The following MAST4 variants were observed in gnomAD, a reference collection of about 807,000 sequenced individuals.
MAST4 encodes microtubule associated serine/threonine kinase family member 4.
MAST4 carries 89 observed loss-of-function variants against 162.7 expected under a neutral mutation model. The ratio of observed to expected loss-of-function variants is 0.55; its 90% confidence interval spans 0.46 to 0.65. MAST4 has a LOEUF of 0.65. Among genes scored for constraint, MAST4 ranks in the 30% least tolerant of loss-of-function variants. The pLI is 0.00. For synonymous variants in MAST4, 1,479 were observed against 1,361.1 expected, an observed-to-expected ratio of 1.09 and a Z score of -1.91; for missense variants, 3,153 against 3,374.0, an observed-to-expected ratio of 0.93 and a Z score of 1.62.
intron 4 of MAST4, among the ~76,000 whole-genome samples, chr5:66,934,586 T>C (rs1404204950): frequency 6.6e-6 from 1 of 152,184 alleles, no homozygotes; most frequent in Non-Finnish European, 1.5e-5. Flanking sequence ...GAATTTTTTT[T>C]TTTCAGATTG....
At position 67,012,581 on chromosome 5, in the gene MAST4, T is replaced by C. The variant is rs577811777; in HGVS notation, c.675-41823T>C. On this transcript the variant is annotated intron_variant, in intron 4 of 28. Coordinates refer to ENST00000403625, the MANE Select transcript of MAST4 (RefSeq NM_001164664.2). ...CTGGGGCTACCTAGATGAAAGTAGA[T>C]ACAAAGTGTGCATAAAATTGTCTAC... Among the ~76,000 whole-genome samples the C allele has an allele frequency of 5.3e-5, 8 of 152,312 alleles. No individual in the cohort carries two copies. The South Asian group carries it at 1.7e-3, about 32-fold the overall frequency.
At chr5:66,965,763 T>C (rs1746655656) in intron 4 of MAST4, among the ~76,000 whole-genome samples, 1 of 152,162 alleles carries the variant, frequency 6.6e-6, no homozygotes, top group East Asian at 1.9e-4. Flanking sequence ...TTTGGGGGCA[T>C]GCATGCTATG....
chr5:66,978,294 G>A (rs1313119536), intron 4 of MAST4, among the ~76,000 whole-genome samples: 1 of 152,134 alleles, frequency 6.6e-6, no homozygotes, highest in Non-Finnish European at 1.5e-5. Flanking sequence ...TGAGAGTAGG[G>A]TTTACTAAAG....
At chr5:66,878,952 C>T (rs26919) in intron 3 of MAST4, among the ~76,000 whole-genome samples, 129,916 of 152,258 alleles carry the variant, frequency 0.85, 55,887 homozygotes, top group Non-Finnish European at 0.92. Flanking sequence ...ATGGCTCATA[C>T]GCATAGGAAA....
chr5:67,083,571 A>G (rs1464626566), intron 5 of MAST4, among the ~76,000 whole-genome samples: 2 of 152,176 alleles, frequency 1.3e-5, no homozygotes, highest in African/African-American at 2.4e-5. Flanking sequence ...AAAAGGGGGA[A>G]TTCTTTGTAT....
intron 3 of MAST4, among the ~76,000 whole-genome samples, chr5:66,868,436 CATATATATGTGTATATACGTATATGT>C (rs552503631): frequency 0.01 from 1,520 of 148,082 alleles, 21 homozygotes; most frequent in Middle Eastern, 0.033. Context: ...TATGTATATA[CATATATATGTGTATATACGTATATGT>C]ATATATATAC....
chr5:66,865,443 A>G (rs1422477980), intron 3 of MAST4, among the ~76,000 whole-genome samples: 1 of 152,238 alleles, frequency 6.6e-6, no homozygotes, highest in Non-Finnish European at 1.5e-5. Flanking sequence ...AATATTTTTA[A>G]ATATGTATAA....
At position 67,092,339 on chromosome 5, in the gene MAST4, G is replaced by A. The variant is rs563923344; in HGVS notation, c.833+2108G>A. The stretch of plus-strand genomic sequence containing the variant: ...CATCCCTTGTAACAAAATAGTCCAA[G>A]TATAGACTAGAAAGTATAATGACAC... On this transcript the variant is annotated intron_variant, in intron 6 of 28. Transcript: ENST00000403625. Among the ~76,000 whole-genome samples, 8 of 152,236 alleles carry A rather than the reference G, an allele frequency of 5.3e-5. No individual in the cohort carries two copies. The East Asian group carries it at 1.4e-3, about 26-fold the overall frequency.
At position 66,837,023 on chromosome 5, in the gene MAST4, C is replaced by CGTGTGTGTGTGTGTGTGTGTGTGTGTGT. The variant is rs544483226; in HGVS notation, c.642+48229_642+48230insGTGTGTGTGTGTGTGTGTGTGTGTGTGT. On this transcript the variant is annotated intron_variant, in intron 3 of 28. Transcript: ENST00000403625. Reference sequence around the variant, plus strand: ...GTCTGGGTAAAAGACCATGCAGGATCATGTGTGTGTGTGTGTGTGTGTGTG... The same window carrying CGTGTGTGTGTGTGTGTGTGTGTGTGTGT: ...GTCTGGGTAAAAGACCATGCAGGATCGTGTGTGTGTGTGTGTGTGTGTGTGTGTATGTGTGTGTGTGTGTGTGTGTGTG... Among the ~76,000 whole-genome samples the CGTGTGTGTGTGTGTGTGTGTGTGTGTGT allele has an allele frequency of 6.7e-3, 970 of 144,624 alleles. 31 individuals are homozygous for CGTGTGTGTGTGTGTGTGTGTGTGTGTGT. The highest frequency in any genetic ancestry group is 0.031 in the East Asian group (146 of 4,642). 94.9% of individuals were successfully genotyped at this position (144,624 alleles called of 152,430 possible). A position where few individuals can be genotyped will look rare whatever the true frequency, so the allele number is the denominator to read the frequency against.
chr5:67,049,025 A>ATATATATATATACAAG (rs1561576236), intron 4 of MAST4, among the ~76,000 whole-genome samples: 14 of 69,068 alleles, frequency 2.0e-4, no homozygotes, highest in African/African-American at 8.5e-4. Context: ...ATATATACGT[A>ATATATATATATACAAG]TATATATATA....
At chr5:67,125,364 T>C (rs1372334226) in intron 14 of MAST4, among the ~76,000 whole-genome samples, 1 of 152,006 alleles carries the variant, frequency 6.6e-6, no homozygotes, top group South Asian at 2.1e-4. Context: ...CAACCTGTCA[T>C]CTACATTAGG....
Position 66,689,076 on chromosome 5 carries a change from A to G in MAST4, c.364-70633A>G, listed in dbSNP as rs538875059. ...AGGATCAGAGGGTCTCTTGGTAACA[A>G]TGTCTTCAGTGTCAGTAACTGTCTT... On this transcript the variant is annotated intron_variant, in intron 1 of 28. Transcript: ENST00000403625. Among the ~76,000 whole-genome samples the G allele has an allele frequency of 3.4e-3, 524 of 152,026 alleles. 1 individual carries two copies. The highest frequency in any genetic ancestry group is 0.012 in the African/African-American group (482 of 41,438).
At chr5:67,097,012 T>G (rs1198623585) in intron 7 of MAST4, among the ~76,000 whole-genome samples, 1 of 152,142 alleles carries the variant, frequency 6.6e-6, no homozygotes, top group Non-Finnish European at 1.5e-5. Flanking sequence ...TGGCCAATAT[T>G]TTAGACGTGT....
At chr5:66,719,555 A>G (rs929348013) in intron 1 of MAST4, among the ~76,000 whole-genome samples, 2 of 151,904 alleles carry the variant, frequency 1.3e-5, no homozygotes, top group Non-Finnish European at 2.9e-5. Context: ...CTTTTTTTCA[A>G]TTTATATTAC....
At chr5:66,800,112 G>A (rs1157690136) in intron 3 of MAST4, among the ~76,000 whole-genome samples, 1 of 152,176 alleles carries the variant, frequency 6.6e-6, no homozygotes, top group Non-Finnish European at 1.5e-5. Flanking sequence ...CTGGCCTTGT[G>A]ACGATAAGCT....
chr5:66,755,725 T>C (rs1270715699), intron 1 of MAST4, among the ~76,000 whole-genome samples: 1 of 152,250 alleles, frequency 6.6e-6, no homozygotes, highest in Non-Finnish European at 1.5e-5. Context: ...GTGGAATGGC[T>C]AAATCAAGCT....
intron 3 of MAST4, among the ~76,000 whole-genome samples, chr5:66,851,281 T>C (rs545787177): frequency 7.2e-5 from 11 of 152,300 alleles, no homozygotes; most frequent in African/African-American, 2.4e-4. Flanking sequence ...TTTGTATCTA[T>C]CTATTCAAAG....
chr5:66,971,331 G>A (rs1294620357), intron 4 of MAST4, among the ~76,000 whole-genome samples: 3 of 152,128 alleles, frequency 2.0e-5, no homozygotes, highest in Non-Finnish European at 4.4e-5. Context: ...CAGGCCGTGG[G>A]CCCCAGCAAC....
At chr5:66,859,520 C>T (rs539426267) in intron 3 of MAST4, among the ~76,000 whole-genome samples, 1 of 152,246 alleles carries the variant, frequency 6.6e-6, no homozygotes, top group African/African-American at 2.4e-5. Context: ...TTCCCATAAA[C>T]CCCCAGGACT....
Sources: allele counts gnomAD v4.1 joint callset (sites outside exome capture counted in the v4.1 genomes callset), GRCh38; gene constraint gnomAD v4.1.1; transcripts MANE v1.5; gene names NCBI Gene and HGNC (gene_info 2026-07-23, HGNC 2026-07-21).